Variants in CAMK2D observed in about 807,000 individuals in gnomAD.
The protein encoded by CAMK2D is calcium/calmodulin-dependent protein kinase type II subunit delta.
A neutral mutation model predicts 84.0 loss-of-function variants in CAMK2D; 37 were observed. That is an observed-to-expected ratio of 0.44 (90% confidence interval 0.34 to 0.58). The LOEUF (loss-of-function observed/expected upper bound fraction) is 0.58, where lower values mean the gene tolerates loss of function less well. CAMK2D is among the 20% of genes least tolerant of loss of function. The pLI is 0.02. For synonymous variants in CAMK2D, 202 were observed against 212.5 expected (o/e 0.95, Z 0.43); for missense variants, 448 against 652.5 (o/e 0.69, Z 3.41).
At chr4:113,708,073 TACCAACCA>T (rs1424166880) in intron 2 of CAMK2D, among the ~76,000 whole-genome samples, 1 of 152,160 alleles carries the variant, frequency 6.6e-6, no homozygotes, top group Non-Finnish European at 1.5e-5. Context: ...AGTATAAGTA[TACCAACCA>T]TAAAAAAAAA....
intron 13 of CAMK2D, chr4:113,508,226 A>G: frequency 6.5e-7 from 1 of 1,538,948 alleles, no homozygotes; most frequent in Non-Finnish European, 8.8e-7. Flanking sequence ...TCTGGCAGAT[A>G]GATCCTCACC....
At chr4:113,650,787 TTA>T (rs1418914726) in intron 3 of CAMK2D, among the ~76,000 whole-genome samples, 1 of 152,166 alleles carries the variant, frequency 6.6e-6, no homozygotes, top group Non-Finnish European at 1.5e-5. Flanking sequence ...GAAATAATAA[TTA>T]TGGATGTCTC....
intron 3 of CAMK2D, among the ~76,000 whole-genome samples, chr4:113,637,065 C>T (rs2099112693): frequency 6.6e-6 from 1 of 152,208 alleles, no homozygotes. Context: ...CCCTGACTTC[C>T]TTCCACACTT....
chr4:113,570,737 G>T (rs867468943), intron 4 of CAMK2D, among the ~76,000 whole-genome samples: 1 of 152,118 alleles, frequency 6.6e-6, no homozygotes, highest in Middle Eastern at 3.2e-3. Context: ...ACATAGGTCT[G>T]AGCAATGAAT....
intron 3 of CAMK2D, among the ~76,000 whole-genome samples, chr4:113,642,195 T>C (rs1052078267): frequency 6.6e-6 from 1 of 152,034 alleles, no homozygotes; most frequent in Non-Finnish European, 1.5e-5. Flanking sequence ...CCTCTAAAAG[T>C]CAAACTCACC....
At chr4:113,565,600 G>A (rs546032564) in intron 4 of CAMK2D, among the ~76,000 whole-genome samples, 7 of 149,572 alleles carry the variant, frequency 4.7e-5, no homozygotes, top group Non-Finnish European at 7.4e-5. Context: ...GCAGTGAGCC[G>A]AGATCATGCC....
chr4:113,510,164 T>G (rs977418855), intron 12 of CAMK2D, among the ~76,000 whole-genome samples: 1 of 152,208 alleles, frequency 6.6e-6, no homozygotes, highest in African/African-American at 2.4e-5. Flanking sequence ...AAATAACATC[T>G]TCATTACATT....
chr4:113,537,373 A>G lies in CAMK2D; in HGVS notation c.485T>C (p.Ile162Thr), dbSNP rs772769979. The change falls in exon 7 of 21, where the codon ATA becomes ACA. Residue 162 changes from isoleucine (I) to threonine (T), a missense_variant. Ile to Thr is a moderately conservative substitution (Grantham distance 89). Transcript: ENST00000511664. ...CGCCTGCTGGTCCCCTTGAACTTCTATGGCTAAGCCAAAGTCTGCCAATTT... is the reference window on the plus strand; with the variant it reads ...CGCCTGCTGGTCCCCTTGAACTTCTGTGGCTAAGCCAAAGTCTGCCAATTT... The part of the protein sequence containing the change: ...AVKLADFGLA[I>T]EVQGDQQAWF... 1.2e-5 allele frequency: 20 copies of G among 1,612,520 alleles called. No individual in the cohort carries two copies. The highest frequency in any genetic ancestry group is 6.8e-6 in the Non-Finnish European group (8 of 1,178,732).
chr4:113,561,789 T>C (rs2098699988), intron 4 of CAMK2D, among the ~76,000 whole-genome samples: 1 of 152,256 alleles, frequency 6.6e-6, no homozygotes, highest in African/African-American at 2.4e-5. Context: ...ATTTTGTCAG[T>C]AGCTAAGAAG....
chr4:113,491,750 G>T (rs1270574740), intron 16 of CAMK2D, among the ~76,000 whole-genome samples: 2 of 151,960 alleles, frequency 1.3e-5, no homozygotes, highest in African/African-American at 2.4e-5. Context: ...GGTAGAATTC[G>T]GCTGTGAATC....
At chr4:113,716,765 C>A (rs2099514957) in intron 2 of CAMK2D, among the ~76,000 whole-genome samples, 1 of 151,340 alleles carries the variant, frequency 6.6e-6, no homozygotes, top group Non-Finnish European at 1.5e-5. Context: ...TAACATCCAG[C>A]AAAGTGAACT....
intron 2 of CAMK2D, among the ~76,000 whole-genome samples, chr4:113,710,976 T>G (rs2099490464): frequency 6.6e-6 from 1 of 152,096 alleles, no homozygotes; most frequent in Admixed American, 6.6e-5. Context: ...TAGCTCAAAC[T>G]CTTTGAAATC....
At chr4:113,574,275 T>C (rs986750804) in intron 4 of CAMK2D, among the ~76,000 whole-genome samples, 8 of 152,202 alleles carry the variant, frequency 5.3e-5, no homozygotes, top group Admixed American at 5.2e-4. Flanking sequence ...AATCTCCCAA[T>C]TCACCTCTCC....
intron 4 of CAMK2D, among the ~76,000 whole-genome samples, chr4:113,608,944 G>T (rs977651063): frequency 6.6e-6 from 1 of 152,096 alleles, no homozygotes; most frequent in African/African-American, 2.4e-5. Flanking sequence ...CTTAGGTTAA[G>T]GTTAATTCAA....
At chr4:113,680,820 C>T (rs1357669512) in intron 2 of CAMK2D, among the ~76,000 whole-genome samples, 1 of 152,172 alleles carries the variant, frequency 6.6e-6, no homozygotes, top group Non-Finnish European at 1.5e-5. Context: ...GGACTAGACA[C>T]AAATGAAGGC....
At chr4:113,727,558 G>A (rs2099549934) in intron 2 of CAMK2D, among the ~76,000 whole-genome samples, 1 of 152,046 alleles carries the variant, frequency 6.6e-6, no homozygotes, top group Non-Finnish European at 1.5e-5. Context: ...TAAAGCTAAA[G>A]TAAATCTTCT....
At position 113,604,257 on chromosome 4, in the gene CAMK2D, T is replaced by A. The variant is rs553519731; in HGVS notation, c.275+4895A>T. 4.6e-5 allele frequency among the ~76,000 whole-genome samples: 7 copies of A among 152,302 alleles called. No homozygotes were observed. In the South Asian group the frequency reaches 1.4e-3, roughly 32 times the overall value. ...GTATTTCATTGATATCTTTAAGATA[T>A]CAATGTATATTTCTTAACTATATTT... On this transcript the variant is annotated intron_variant, in intron 4 of 20. Coordinates refer to ENST00000511664, the MANE Select transcript of CAMK2D (RefSeq NM_001321571.2).
At chr4:113,759,060 T>A (rs959189086) in intron 2 of CAMK2D, 1 of 227,870 alleles carries the variant, frequency 4.4e-6, no homozygotes, top group Middle Eastern at 1.3e-3. Flanking sequence ...TTATTTGCTT[T>A]AAAATATAGT....
chr4:113,677,595 C>T (rs2099323881), intron 2 of CAMK2D: 6 of 947,526 alleles, frequency 6.3e-6, no homozygotes, highest in Admixed American at 6.2e-5. Context: ...AAGAGTCAAG[C>T]GATGCAATAC....
Sources: gnomAD v4.1 joint callset for allele counts (sites outside exome capture counted in the v4.1 genomes callset) on GRCh38, gnomAD v4.1.1 for gene constraint, MANE v1.5 for transcripts, NCBI Gene and HGNC (gene_info 2026-07-23, HGNC 2026-07-21) for gene names.